Variants in MEGF8 observed in about 807,000 individuals in gnomAD.
MEGF8 encodes the protein multiple EGF like domains 8, also known as multiple epidermal growth factor-like domains protein 8.
Under a neutral mutation model 302.9 loss-of-function variants are expected in MEGF8, and 156 were observed. That is an observed-to-expected ratio of 0.52 (90% CI 0.45 to 0.59). The LOEUF is 0.59. Among genes scored for constraint, MEGF8 ranks in the 20% least tolerant of loss-of-function variants. The probability of loss-of-function intolerance (pLI) is 0.00; values close to 1 mark genes in which losing one functional copy is unlikely to be tolerated. For synonymous variants in MEGF8, 1,621 were observed against 1,660.5 expected, an observed-to-expected ratio of 0.98 and a Z score of 0.58; for missense variants, 3,345 against 3,964.5, an observed-to-expected ratio of 0.84 and a Z score of 4.20.
intron 35 of MEGF8, among the ~76,000 whole-genome samples, chr19:42,367,391 C>G (rs968726649): frequency 6.6e-6 from 1 of 151,860 alleles, no homozygotes; most frequent in African/African-American, 2.4e-5. Flanking sequence ...CGGGTTCACG[C>G]CATTCTCCTG....
chr19:42,338,811 TTTTC>T (rs902281139), intron 8 of MEGF8, among the ~76,000 whole-genome samples: 6 of 150,860 alleles, frequency 4.0e-5, no homozygotes, highest in Non-Finnish European at 8.9e-5. Context: ...CTTTTTTTTT[TTTTC>T]TTTCTATGTA....
intron 41 of MEGF8, among the ~76,000 whole-genome samples, chr19:42,374,922 G>A (rs972989984): frequency 6.6e-6 from 1 of 152,186 alleles, no homozygotes; most frequent in African/African-American, 2.4e-5. Context: ...GGAGGCAAGG[G>A]GGCTTGACAA....
Position 42,351,275 on chromosome 19 carries a change from G to A in MEGF8, c.2796G>A (p.Arg932=). Reference sequence around the variant, plus strand: ...GCAAAGGGGACGCGGCATGCAGCCGGCGGGGCCGGGGTCGGGGTGCCCTGA... The same window carrying A: ...GCAAAGGGGACGCGGCATGCAGCCGACGGGGCCGGGGTCGGGGTGCCCTGA... The part of the protein sequence containing the change: ...TSRKGDAACS[R]RGRGRGALKS... Residue 932 remains arginine (R), a synonymous_variant, in exon 16 of 42, where the codon CGG becomes CGA. Coordinates refer to ENST00000251268, the MANE Select transcript of MEGF8 (RefSeq NM_001271938.2). The surrounding 1 kb of genome is among the most constrained non-coding windows in gnomAD (Gnocchi z 5.6). The A allele has an allele frequency of 1.3e-6, 2 of 1,572,574 alleles. No homozygotes were observed. Among genetic ancestry groups the A allele is most frequent in the Non-Finnish European group, 1.7e-6 (2 of 1,158,666 alleles).
Position 42,351,257 on chromosome 19 carries a change from G to T in MEGF8, c.2778G>T (p.Gly926=), listed in dbSNP as rs1169127792. 1 of 1,572,270 alleles carries T rather than the reference G, an allele frequency of 6.4e-7. No homozygotes were observed. The highest frequency in any genetic ancestry group is 1.2e-5 in the South Asian group (1 of 85,768). The stretch of plus-strand genomic sequence containing the variant: ...GGCATCAGAGCACCAGCCGCAAAGG[G>T]GACGCGGCATGCAGCCGGCGGGGCC... ...CEWHQSTSRK[G]DAACSRRGRG... is the part of the protein sequence containing the mutation. Residue 926 remains glycine (G), a synonymous_variant, in exon 16 of 42, where the codon GGG becomes GGT. Transcript: ENST00000251268. The surrounding 1 kb of genome is among the most constrained non-coding windows in gnomAD (Gnocchi z 5.6).
intron 39 of MEGF8, 79 bp downstream of exon 39, chr19:42,370,438 G>T: frequency 7.7e-7 from 1 of 1,290,428 alleles, no homozygotes; most frequent in South Asian, 1.4e-5. Context: ...GGAGGGGGCT[G>T]GAGACCTGGA....
Position 42,352,121 on chromosome 19 carries a change from A to G in MEGF8, c.3102-87A>G, listed in dbSNP as rs2039383171. On this transcript the variant is annotated intron_variant, in intron 18 of 41. Transcript: ENST00000251268. This position sits in a 1 kb window ranked among gnomAD's most constrained non-coding sequence, Gnocchi z 4.4. ...TTGTATTTGCATCCCTCTCCTTCCA[A>G]TTGGCCTCCTCTCTCCCTGTCATTG... is the stretch of plus-strand genomic sequence containing the variant. The G allele has an allele frequency of 6.4e-6, 9 of 1,412,804 alleles. No individual in the cohort carries two copies. The highest frequency in any genetic ancestry group is 1.5e-5 in the African/African-American group (1 of 68,906). 87.5% of individuals were successfully genotyped at this position (1,412,804 alleles called of 1,614,324 possible).
intron 8 of MEGF8, among the ~76,000 whole-genome samples, chr19:42,341,896 A>T (rs2039220249): frequency 6.6e-6 from 1 of 152,208 alleles, no homozygotes; most frequent in African/African-American, 2.4e-5. Context: ...GAAGATGCTT[A>T]TACCTGCAAG....
rs1159758772 is a variant in MEGF8, at chr19:42,357,638, G to C, written c.5011+54G>C. ...CCCCGTGGACCTCCCGGGCATCTGG[G>C]CTTCCTGTGGGCTCTCCATCCACTG... On this transcript the variant is annotated intron_variant, in intron 28 of 41. Transcript: ENST00000251268. The surrounding 1 kb of genome is among the most constrained non-coding windows in gnomAD (Gnocchi z 5.2). The C allele has an allele frequency of 3.4e-6, 5 of 1,492,150 alleles. No individual in the cohort carries two copies. The East Asian group carries it at 1.2e-4, about 37-fold the overall frequency. 92.4% of individuals were successfully genotyped at this position (1,492,150 alleles called of 1,614,324 possible). A position where few individuals can be genotyped will look rare whatever the true frequency, so the allele number is the denominator to read the frequency against.
At chr19:42,337,245 TCC>T (rs1178199021) in intron 8 of MEGF8, 39 bp downstream of exon 8, 23 of 1,611,170 alleles carry the variant, frequency 1.4e-5, no homozygotes, top group African/African-American at 2.7e-5. Flanking sequence ...CTCCTGAGGG[TCC>T]CACCTCTCTC....
Position 42,353,118 on chromosome 19 carries a change from G to A in MEGF8, c.3541G>A (p.Glu1181Lys), listed in dbSNP as rs185009718. ...CRKRGPGFCD[E>K]CQDWTWGEHC... ...CAAGCGGGGCCCTGGCTTCTGCGAC[G>A]AGTGCCAGGGTAAGCAGCCCTTGTC... The change falls in exon 20 of 42, where the codon GAG becomes AAG. Residue 1181 changes from glutamate to lysine, a missense_variant. Transcript: ENST00000251268. This position sits in a 1 kb window ranked among gnomAD's most constrained non-coding sequence, Gnocchi z 6.1. 27 of 1,545,214 alleles carry A rather than the reference G, an allele frequency of 1.7e-5. No individual in the cohort carries two copies. The East Asian group carries it at 2.2e-4, about 13-fold the overall frequency.
intron 34 of MEGF8, 56 bp from the exon 35 acceptor site, chr19:42,362,992 G>A (rs2039555042): frequency 6.8e-7 from 1 of 1,471,808 alleles, no homozygotes; most frequent in African/African-American, 1.4e-5. Flanking sequence ...AGGGAGGAGG[G>A]GCTGGGCTTG....
At position 42,356,924 on chromosome 19, in the gene MEGF8, C is replaced by T. The variant is rs750901186; in HGVS notation, c.4773C>T (p.Gly1591=). ...MYLLGGLTAG[G]VTRDFWVLNL... ...TGCTGGGGGGACTTACCGCTGGAGG[C>T]GTCACCCGTGATTTCTGGGTCCTCA... The change falls in exon 27 of 42, where the codon GGC becomes GGT. Residue 1591 remains glycine, a synonymous_variant. Coordinates refer to ENST00000251268, the MANE Select transcript of MEGF8 (RefSeq NM_001271938.2). The surrounding 1 kb of genome is among the most constrained non-coding windows in gnomAD (Gnocchi z 5.2). 1.6e-5 allele frequency: 25 copies of T among 1,610,758 alleles called. No individual in the cohort carries two copies. In the Admixed American group the frequency reaches 2.3e-4, roughly 15 times the overall value.
In MEGF8 at chr19:42,376,022, G is replaced by T. The variant is rs374927201; in HGVS notation, c.7785G>T (p.Arg2595=). Residue 2595 remains arginine, a synonymous_variant, in exon 42 of 42, where the codon CGG becomes CGT. Coordinates refer to ENST00000251268, the MANE Select transcript of MEGF8 (RefSeq NM_001271938.2). This position sits in a 1 kb window ranked among gnomAD's most constrained non-coding sequence, Gnocchi z 8.2. ...AVLVVRGVRD[R]LVITYPHEHH... is the part of the protein sequence containing the mutation. The stretch of plus-strand genomic sequence containing the variant: ...TGGTGGTCCGCGGCGTGCGGGACCG[G>T]CTGGTCATCACCTACCCACACGAGC... 1 of 1,605,152 alleles carries T rather than the reference G, an allele frequency of 6.2e-7. No homozygotes were observed. The highest frequency in any genetic ancestry group is 1.7e-4 in the Middle Eastern group (1 of 6,038).
At chr19:42,340,013 G>T (rs915335472) in intron 8 of MEGF8, among the ~76,000 whole-genome samples, 4 of 152,062 alleles carry the variant, frequency 2.6e-5, no homozygotes, top group South Asian at 4.1e-4. Context: ...AGCTGAGTTC[G>T]CACCACTGCA....
At chr19:42,338,788 C>T (rs932969253) in intron 8 of MEGF8, among the ~76,000 whole-genome samples, 10 of 144,240 alleles carry the variant, frequency 6.9e-5, no homozygotes, top group African/African-American at 1.5e-4. Context: ...ATGATGTATA[C>T]GTACCACATT....
At chr19:42,364,329 C>T (rs1047337094) in intron 35 of MEGF8, among the ~76,000 whole-genome samples, 6 of 152,188 alleles carry the variant, frequency 3.9e-5, no homozygotes, top group Non-Finnish European at 8.8e-5. Flanking sequence ...AAGACACATT[C>T]ACCTCCCACT....
chr19:42,361,456 C>G (rs1003260831), intron 32 of MEGF8, among the ~76,000 whole-genome samples: 1 of 152,184 alleles, frequency 6.6e-6, no homozygotes, highest in African/African-American at 2.4e-5. Flanking sequence ...GTCACCCTCA[C>G]TGATATGAGG....
In MEGF8 at chr19:42,368,993, C is replaced by A; in HGVS notation, c.6632C>A (p.Thr2211Asn). The A allele has an allele frequency of 6.2e-7, 1 of 1,613,514 alleles. No homozygotes were observed. The highest frequency in any genetic ancestry group is 8.5e-7 in the Non-Finnish European group (1 of 1,179,862). Reference protein sequence around the residue: ...GYECSCKTGYTMDNMTGLCRP... With the variant: ...GYECSCKTGYNMDNMTGLCRP... ...GAGTGCAGCTGCAAGACCGGCTATA[C>A]CATGGACAAGTGAGGCCGCAGGCGG... Residue 2211 changes from threonine to asparagine, a missense_variant, in exon 37 of 42, where the codon ACC becomes AAC. Coordinates refer to ENST00000251268, the MANE Select transcript of MEGF8 (RefSeq NM_001271938.2). This position sits in a 1 kb window ranked among gnomAD's most constrained non-coding sequence, Gnocchi z 4.9.
At position 42,326,338 on chromosome 19, in the gene MEGF8, G is replaced by T; in HGVS notation, c.95G>T (p.Gly32Val). The change falls in exon 1 of 42, where the codon GGG (glycine) becomes GTG (valine). Residue 32 changes from glycine to valine, a missense_variant. By Grantham distance (109) the Gly-to-Val change is moderately radical. Transcript: ENST00000251268. The stretch of plus-strand genomic sequence containing the variant: ...GGGGCCCGGGCGGGGGACTGCAAGG[G>T]GCAGCGGCAGGTGCTGCGGGAGGCG... ...SPGARAGDCKGQRQVLREAPG... is the reference protein window; with the variant it reads ...SPGARAGDCKVQRQVLREAPG... The T allele has an allele frequency of 6.3e-7, 1 of 1,582,278 alleles. No homozygotes were observed. Among genetic ancestry groups the T allele is most frequent in the Non-Finnish European group, 8.6e-7 (1 of 1,168,134 alleles).
Sources: allele counts gnomAD v4.1 joint callset (sites outside exome capture counted in the v4.1 genomes callset), GRCh38; gene constraint gnomAD v4.1.1; non-coding constraint Gnocchi (gnomAD v3.1); transcripts MANE v1.5; gene names NCBI Gene and HGNC (gene_info 2026-07-23, HGNC 2026-07-21).